The following TMX2 variants were observed in gnomAD, a reference collection of about 807,000 sequenced individuals.
The protein encoded by TMX2 is thioredoxin-related transmembrane protein 2.
TMX2 carries 20 observed loss-of-function variants against 33.4 expected under a neutral mutation model. That is an observed-to-expected ratio of 0.60 (90% CI 0.42 to 0.87). TMX2 has a LOEUF of 0.87. Ranked by LOEUF, TMX2 falls within the 40% of genes least tolerant of loss-of-function variation. TMX2 has a pLI of 0.00. For synonymous variants in TMX2, 166 were observed against 140.7 expected, an observed-to-expected ratio of 1.18 and a Z score of -1.27; for missense variants, 340 against 370.7, an observed-to-expected ratio of 0.92 and a Z score of 0.68.
At chr11:57,716,846 C>T (rs999450889) in intron 1 of TMX2, among the ~76,000 whole-genome samples, 4 of 147,386 alleles carry the variant, frequency 2.7e-5, no homozygotes, top group Middle Eastern at 3.6e-3. Flanking sequence ...GGGGCTGACC[C>T]CCCCCACCTC....
At position 57,737,983 on chromosome 11, in the gene TMX2, C is replaced by T. The variant is rs61749008; in HGVS notation, c.321C>T (p.Arg107=). Residue 107 remains arginine, a synonymous_variant, in exon 3 of 8, where the codon CGC becomes CGT. Transcript: ENST00000278422. ...SKVANTILFF[R]LDIRMGLLYI... Reference sequence around the variant, plus strand: ...TGGCCAACACAATTCTTTTCTTCCGCTTGGATATTCGCATGGGCCTACTTT... The same window carrying T: ...TGGCCAACACAATTCTTTTCTTCCGTTTGGATATTCGCATGGGCCTACTTT... 9.2e-4 allele frequency: 1,479 copies of T among 1,613,792 alleles called. 19 individuals are homozygous for T. In the African/African-American group the frequency reaches 0.018, roughly 20 times the overall value.
intron 1 of TMX2, chr11:57,718,580 A>C: frequency 1.7e-6 from 1 of 596,106 alleles, no homozygotes. Flanking sequence ...TCTTTGCCCA[A>C]CTTTTTATAT....
chr11:57,739,317 A>G, intron 7 of TMX2, 57 bp downstream of exon 7: 2 of 1,599,602 alleles, frequency 1.3e-6, no homozygotes, highest in Non-Finnish European at 1.7e-6. Context: ...TGGGCTTTCA[A>G]GCCCTACCCG....
intron 1 of TMX2, among the ~76,000 whole-genome samples, chr11:57,735,311 C>T (rs564526264): frequency 3.3e-5 from 5 of 151,708 alleles, no homozygotes; most frequent in African/African-American, 9.7e-5. Context: ...CGGGTTCAAG[C>T]GATTCTTCTG....
At chr11:57,724,189 C>T (rs949358353) in intron 1 of TMX2, among the ~76,000 whole-genome samples, 12 of 152,048 alleles carry the variant, frequency 7.9e-5, no homozygotes, top group Non-Finnish European at 1.6e-4. Context: ...CATTACTGAA[C>T]AGTCACTGAG....
intron 3 of TMX2, 81 bp downstream of exon 3, chr11:57,738,107 C>T: frequency 1.8e-6 from 2 of 1,122,992 alleles, no homozygotes; most frequent in South Asian, 3.0e-5. Flanking sequence ...ACAGTCCCAA[C>T]AGTTGCAATC....
intron 1 of TMX2, among the ~76,000 whole-genome samples, chr11:57,713,946 T>G (rs953569584): frequency 6.6e-6 from 1 of 152,230 alleles, no homozygotes; most frequent in Admixed American, 6.5e-5. Context: ...TAATGAAAAC[T>G]CAGGGAAGAG....
chr11:57,727,249 C>A (rs1948066954), intron 1 of TMX2, among the ~76,000 whole-genome samples: 2 of 152,104 alleles, frequency 1.3e-5, no homozygotes, highest in Non-Finnish European at 2.9e-5. Context: ...CCCCCATTAT[C>A]CAAATCGCTA....
intron 1 of TMX2, among the ~76,000 whole-genome samples, chr11:57,724,814 T>C (rs905913485): frequency 6.6e-6 from 1 of 150,962 alleles, no homozygotes; most frequent in Non-Finnish European, 1.5e-5. Flanking sequence ...CTGAGGCGGG[T>C]GGATCACAAG....
At chr11:57,721,988 T>A (rs984273282) in intron 1 of TMX2, among the ~76,000 whole-genome samples, 10 of 152,192 alleles carry the variant, frequency 6.6e-5, no homozygotes, top group Admixed American at 1.3e-4. Context: ...ATTTATTTTT[T>A]AAATTAATTT....
chr11:57,737,010 C>T (rs554025978), intron 1 of TMX2, among the ~76,000 whole-genome samples: 5 of 152,240 alleles, frequency 3.3e-5, no homozygotes, highest in South Asian at 2.1e-4. Context: ...AATAATCTTA[C>T]GATTTTATAC....
chr11:57,737,528 A>C, intron 1 of TMX2, 80 bp from the exon 2 acceptor site: 1 of 1,205,864 alleles, frequency 8.3e-7, no homozygotes, highest in Non-Finnish European at 1.2e-6. Context: ...ATTGGTTTTT[A>C]TTACATATTT....
chr11:57,732,006 A>G (rs908102468), intron 1 of TMX2, among the ~76,000 whole-genome samples: 2 of 152,244 alleles, frequency 1.3e-5, no homozygotes, highest in African/African-American at 4.8e-5. Context: ...AAAACATATC[A>G]AAGTTGCTAC....
intron 1 of TMX2, among the ~76,000 whole-genome samples, chr11:57,728,071 C>A (rs1948116521): frequency 6.6e-6 from 1 of 152,244 alleles, no homozygotes; most frequent in Admixed American, 6.5e-5. Context: ...CCACCTTGGG[C>A]ACATGTTCTC....
chr11:57,738,447 CT>C lies in TMX2; in HGVS notation c.441+20del, dbSNP rs1948883314. The stretch of plus-strand genomic sequence containing the variant: ...ACCATTGATGTGAGTGCTCTTTCCC[CT>C]TTCTGTTTCTTGGGTCCCTTGTGGG... On this transcript the variant is annotated intron_variant, in intron 4 of 7. Transcript: ENST00000278422. 1 of 1,579,166 alleles carries C rather than the reference CT, an allele frequency of 6.3e-7. No individual in the cohort carries two copies. Among genetic ancestry groups the C allele is most frequent in the Non-Finnish European group, 8.7e-7 (1 of 1,148,956 alleles).
intron 3 of TMX2, 28 bp downstream of exon 3, chr11:57,738,054 T>G: frequency 6.5e-7 from 1 of 1,542,826 alleles, no homozygotes; most frequent in East Asian, 2.3e-5. Context: ...CTTTCTTTTT[T>G]TTTTTTTGTA....
chr11:57,723,250 C>T (rs896180366), intron 1 of TMX2, among the ~76,000 whole-genome samples: 13 of 151,708 alleles, frequency 8.6e-5, no homozygotes, highest in African/African-American at 1.9e-4. Context: ...GAGGCCAGGG[C>T]GGATGGATCA....
Position 57,740,330 on chromosome 11 carries a change from A to T in TMX2, c.*85A>T. ...AGCCTGAGGCTGCAGCCTTTTATTT[A>T]TGTTTTCCCTTTGGCTGTGACTGGG... is the stretch of plus-strand genomic sequence containing the variant. On this transcript the variant is annotated 3_prime_UTR_variant, in exon 8 of 8. Coordinates refer to ENST00000278422, the MANE Select transcript of TMX2 (RefSeq NM_015959.4). 6.9e-7 allele frequency: 1 copy of T among 1,446,716 alleles called. No homozygotes were observed. The highest frequency in any genetic ancestry group is 9.1e-7 in the Non-Finnish European group (1 of 1,094,130). The allele number at this position is 1,446,716 out of a possible 1,614,324, so 89.6% of individuals were successfully genotyped here.
At chr11:57,734,157 C>CAAAAAAAA (rs60802364) in intron 1 of TMX2, among the ~76,000 whole-genome samples, 2 of 49,738 alleles carry the variant, frequency 4.0e-5, no homozygotes, top group Admixed American at 3.5e-4. Context: ...ACCCTGTCTC[C>CAAAAAAAA]AAAAAAAAAA....
Sources: gnomAD v4.1 joint callset for allele counts (sites outside exome capture counted in the v4.1 genomes callset) on GRCh38, gnomAD v4.1.1 for gene constraint, MANE v1.5 for transcripts, NCBI Gene and HGNC (gene_info 2026-07-23, HGNC 2026-07-21) for gene names.